Variants in PHF14 observed in about 807,000 individuals in gnomAD.
PHF14 encodes the protein PHD finger protein 14.
Under a neutral mutation model 117.9 loss-of-function variants are expected in PHF14, and 55 were observed. The observed-to-expected ratio is 0.47, with a 90% CI of 0.38 to 0.58. The LOEUF (loss-of-function observed/expected upper bound fraction) is 0.58. Among genes scored for constraint, PHF14 ranks in the 20% least tolerant of loss-of-function variants. PHF14 has a pLI of 0.00. For missense variants in PHF14, 978 were observed against 1,122.2 expected, an observed-to-expected ratio of 0.87 and a Z score of 1.84; for synonymous variants, 409 against 368.6, an observed-to-expected ratio of 1.11 and a Z score of -1.26.
intron 17 of PHF14, among the ~76,000 whole-genome samples, chr7:11,128,034 T>A (rs1377439950): frequency 6.6e-6 from 1 of 152,130 alleles, no homozygotes; most frequent in African/African-American, 2.4e-5. Flanking sequence ...GTGCACTTTT[T>A]AAAACCATTA....
chr7:11,076,405 C>G (rs543794663), intron 16 of PHF14, among the ~76,000 whole-genome samples: 1 of 151,814 alleles, frequency 6.6e-6, no homozygotes, highest in Admixed American at 6.6e-5. Flanking sequence ...TATAAGTATG[C>G]TGTTTAGTTG....
At position 11,051,788 on chromosome 7, in the gene PHF14, A is replaced by G. The variant is rs1583414316; in HGVS notation, c.2481+8A>G. On this transcript the variant is annotated splice_region_variant and intron_variant, in intron 14 of 17. Coordinates refer to ENST00000634607, the MANE Select transcript of PHF14 (RefSeq NM_001007157.2). ...ATTCCGATAAGAAACACGGTAGTTT[A>G]TTTTTTATTTATCATAAGCATCATA... is the stretch of plus-strand genomic sequence containing the variant. The G allele has an allele frequency of 6.2e-7, 1 of 1,611,308 alleles. No individual in the cohort carries two copies. Among genetic ancestry groups the G allele is most frequent in the Non-Finnish European group, 8.5e-7 (1 of 1,178,190 alleles).
At chr7:11,106,005 A>G in intron 16 of PHF14, 1 of 984,896 alleles carries the variant, frequency 1.0e-6, no homozygotes. Context: ...GCATGAGCAG[A>G]TGGAAATCAG....
chr7:11,126,798 C>T (rs1787941886), intron 17 of PHF14, among the ~76,000 whole-genome samples: 1 of 149,520 alleles, frequency 6.7e-6, no homozygotes, highest in African/African-American at 2.5e-5. Context: ...AAGCTACAGT[C>T]TGAATTTGAC....
chr7:11,026,678 AC>A (rs1161124024), intron 6 of PHF14, among the ~76,000 whole-genome samples: 3 of 149,322 alleles, frequency 2.0e-5, no homozygotes, highest in Non-Finnish European at 3.0e-5. Context: ...GTGTCCAGTT[AC>A]GTTATCTGAT....
chr7:11,159,554 T>C (rs1788964472), intron 17 of PHF14, among the ~76,000 whole-genome samples: 1 of 152,092 alleles, frequency 6.6e-6, no homozygotes, highest in African/African-American at 2.4e-5. Context: ...CCAATCATAG[T>C]AAAGATGATT....
At chr7:11,138,721 G>C (rs1035138037) in intron 17 of PHF14, among the ~76,000 whole-genome samples, 1 of 152,192 alleles carries the variant, frequency 6.6e-6, no homozygotes, top group Non-Finnish European at 1.5e-5. Context: ...TGAGAGATAA[G>C]TGCTCAAAGT....
At chr7:11,035,875 G>A (rs557166230) in intron 8 of PHF14, 89 bp downstream of exon 8, 171 of 977,622 alleles carry the variant, frequency 1.7e-4, no homozygotes, top group Admixed American at 9.8e-4. Context: ...GACATGTGAC[G>A]TATAATAGGA....
At chr7:11,002,649 G>C (rs1049134797) in intron 4 of PHF14, among the ~76,000 whole-genome samples, 1 of 151,948 alleles carries the variant, frequency 6.6e-6, no homozygotes, top group Non-Finnish European at 1.5e-5. Context: ...CTCCATGTTG[G>C]TCAGGCTGGT....
intron 4 of PHF14, among the ~76,000 whole-genome samples, chr7:11,011,550 G>C (rs1447108827): frequency 6.6e-6 from 1 of 152,136 alleles, no homozygotes; most frequent in East Asian, 1.9e-4. Context: ...GAATAAACCT[G>C]GTCAAAAGGA....
chr7:10,986,290 C>T (rs111744978), intron 3 of PHF14, among the ~76,000 whole-genome samples: 20 of 152,000 alleles, frequency 1.3e-4, no homozygotes, highest in African/African-American at 4.6e-4. Flanking sequence ...AGCCCCTTTA[C>T]AGTTTTAAAA....
At chr7:11,014,103 C>T (rs560940140) in intron 5 of PHF14, among the ~76,000 whole-genome samples, 197 bp downstream of exon 5, 7 of 152,248 alleles carry the variant, frequency 4.6e-5, no homozygotes, top group African/African-American at 1.7e-4. Flanking sequence ...CTGCATTTGC[C>T]TTTACATCCA....
At chr7:11,100,042 T>C (rs937279136) in intron 16 of PHF14, among the ~76,000 whole-genome samples, 1 of 152,126 alleles carries the variant, frequency 6.6e-6, no homozygotes. Flanking sequence ...AAAACAAGTA[T>C]GATCCAACTT....
At chr7:11,057,473 C>T (rs955876524) in intron 14 of PHF14, among the ~76,000 whole-genome samples, 5 of 152,076 alleles carry the variant, frequency 3.3e-5, no homozygotes, top group African/African-American at 4.8e-5. Flanking sequence ...CTCCCAGGAT[C>T]GAGCGATTCT....
chr7:11,009,530 A>G (rs1416924356), intron 4 of PHF14, among the ~76,000 whole-genome samples: 3 of 152,208 alleles, frequency 2.0e-5, no homozygotes, highest in Non-Finnish European at 4.4e-5. Context: ...TTGTTTACCC[A>G]TATGAAAAAG....
At chr7:10,991,479 T>G (rs191683770) in intron 4 of PHF14, among the ~76,000 whole-genome samples, 196 of 152,082 alleles carry the variant, frequency 1.3e-3, no homozygotes, top group Non-Finnish European at 2.5e-3. Flanking sequence ...CCGGCCAATT[T>G]TTGTGTTCTT....
At chr7:11,058,883 T>C (rs1785108116) in intron 14 of PHF14, among the ~76,000 whole-genome samples, 1 of 152,194 alleles carries the variant, frequency 6.6e-6, no homozygotes, top group Non-Finnish European at 1.5e-5. Context: ...AAGTCATTTC[T>C]CTGGATTGCT....
Position 10,982,988 on chromosome 7 carries a change from A to T in PHF14, c.729A>T (p.Gly243=). The change falls in exon 3 of 18, where the codon GGA becomes GGT. Residue 243 remains glycine, a synonymous_variant. Coordinates refer to ENST00000634607, the MANE Select transcript of PHF14 (RefSeq NM_001007157.2). ...DGDNEDDEDE[G]SGSDEDENDE... Reference sequence around the variant, plus strand: ...ACAATGAGGATGATGAAGATGAGGGAAGCGGGAGTGATGAAGACGAGAATG... The same window carrying T: ...ACAATGAGGATGATGAAGATGAGGGTAGCGGGAGTGATGAAGACGAGAATG... The T allele has an allele frequency of 6.3e-7, 1 of 1,584,398 alleles. No homozygotes were observed. The highest frequency in any genetic ancestry group is 8.6e-7 in the Non-Finnish European group (1 of 1,165,826).
intron 7 of PHF14, among the ~76,000 whole-genome samples, chr7:11,031,192 T>TAAA (rs370195255): frequency 1.1e-4 from 17 of 148,294 alleles, no homozygotes; most frequent in Admixed American, 9.4e-4. Flanking sequence ...TATAGGCTGT[T>TAAA]AAAAAAAAAA....
Sources: allele counts gnomAD v4.1 joint callset (sites outside exome capture counted in the v4.1 genomes callset), GRCh38; gene constraint gnomAD v4.1.1; transcripts MANE v1.5; gene names NCBI Gene and HGNC (gene_info 2026-07-23, HGNC 2026-07-21).